PRKG1: variants seen among roughly 807,000 people sequenced by gnomAD.
PRKG1 encodes cGMP-dependent protein kinase 1.
Under a neutral mutation model 88.1 loss-of-function variants are expected in PRKG1, and 35 were observed. That is an observed-to-expected ratio of 0.40 (90% confidence interval 0.30 to 0.53). The LOEUF is 0.53. Among genes scored for constraint, PRKG1 ranks in the 20% least tolerant of loss-of-function variants. PRKG1 has a pLI of 0.59. For missense variants in PRKG1, 540 were observed against 839.8 expected, an observed-to-expected ratio of 0.64 and a Z score of 4.41; for synonymous variants, 303 against 292.5, an observed-to-expected ratio of 1.04 and a Z score of -0.37.
At chr10:51,894,389 G>A (rs72799495) in intron 4 of PRKG1, among the ~76,000 whole-genome samples, 20,794 of 152,132 alleles carry the variant, frequency 0.14, 1,662 homozygotes, top group Admixed American at 0.19. Context: ...AAGTAGACTA[G>A]TGGTTGACAG....
intron 1 of PRKG1, among the ~76,000 whole-genome samples, chr10:51,150,048 T>C (rs942607272): frequency 1.3e-5 from 2 of 152,086 alleles, no homozygotes; most frequent in African/African-American, 4.8e-5. Flanking sequence ...GAAAAAGATT[T>C]TTAAAAATAA....
intron 3 of PRKG1, among the ~76,000 whole-genome samples, chr10:51,623,579 T>C (rs1317188293): frequency 2.0e-5 from 3 of 152,108 alleles, no homozygotes; most frequent in African/African-American, 7.2e-5. Context: ...ACAGGTTATG[T>C]TACTTTTCAT....
At chr10:51,824,929 A>T (rs1211658589) in intron 4 of PRKG1, among the ~76,000 whole-genome samples, 1 of 152,194 alleles carries the variant, frequency 6.6e-6, no homozygotes, top group Non-Finnish European at 1.5e-5. Context: ...TGGAGGGACA[A>T]TACCCAAATC....
intron 4 of PRKG1, among the ~76,000 whole-genome samples, chr10:51,905,425 A>C (rs1842065389): frequency 6.6e-6 from 1 of 152,172 alleles, no homozygotes; most frequent in African/African-American, 2.4e-5. Flanking sequence ...TTATGGTATC[A>C]TTGTAATCAA....
At chr10:51,296,006 A>G (rs888307509) in intron 2 of PRKG1, among the ~76,000 whole-genome samples, 1 of 151,996 alleles carries the variant, frequency 6.6e-6, no homozygotes, top group Non-Finnish European at 1.5e-5. Context: ...AGCCATCTTT[A>G]CACCCCAGGG....
chr10:51,571,800 C>T (rs1364957671), intron 3 of PRKG1, among the ~76,000 whole-genome samples: 1 of 151,820 alleles, frequency 6.6e-6, no homozygotes, highest in Non-Finnish European at 1.5e-5. Flanking sequence ...TGAATTTCTA[C>T]TAGTACCTTA....
intron 7 of PRKG1, among the ~76,000 whole-genome samples, chr10:52,072,984 G>A (rs1019499890): frequency 5.3e-5 from 8 of 152,332 alleles, no homozygotes; most frequent in African/African-American, 1.7e-4. Flanking sequence ...CAGGTCTGTA[G>A]GCTAGACATC....
chr10:51,704,008 G>A (rs1266452793), intron 3 of PRKG1, among the ~76,000 whole-genome samples: 2 of 151,820 alleles, frequency 1.3e-5, no homozygotes, highest in East Asian at 3.9e-4. Flanking sequence ...AACCAGGTGT[G>A]GTGGTGCATG....
Position 51,100,011 on chromosome 10 carries a change from A to G in PRKG1, c.311+25110A>G, listed in dbSNP as rs550056216. ...TGGGGTCAAGCCATCCTCCTGTCTC[A>G]GCCTCCCGAGTATCTGGGATTCTAG... is the stretch of plus-strand genomic sequence containing the variant. On this transcript the variant is annotated intron_variant, in intron 1 of 17. Transcript: ENST00000373980. Among the ~76,000 whole-genome samples the G allele has an allele frequency of 4.0e-3, 609 of 152,210 alleles. 3 individuals carry two copies. The highest frequency in any genetic ancestry group is 7.3e-3 in the Non-Finnish European group (493 of 67,988).
intron 5 of PRKG1, among the ~76,000 whole-genome samples, chr10:52,009,106 A>G (rs1844814743): frequency 6.6e-6 from 1 of 151,962 alleles, no homozygotes; most frequent in African/African-American, 2.4e-5. Flanking sequence ...GATTCCCTTG[A>G]AAAACAGCTC....
intron 3 of PRKG1, among the ~76,000 whole-genome samples, chr10:51,794,416 C>T (rs192587750): frequency 7.3e-4 from 111 of 152,214 alleles, no homozygotes; most frequent in African/African-American, 2.6e-3. Context: ...CTCAACTACA[C>T]GTGGAACTCT....
chr10:52,113,289 A>G (rs945176377), intron 7 of PRKG1, among the ~76,000 whole-genome samples: 1 of 152,196 alleles, frequency 6.6e-6, no homozygotes, highest in Non-Finnish European at 1.5e-5. Flanking sequence ...GACAGTAAAA[A>G]TTATTCATTA....
At chr10:51,837,780 C>T (rs74132453) in intron 4 of PRKG1, among the ~76,000 whole-genome samples, 1,961 of 152,196 alleles carry the variant, frequency 0.013, 53 homozygotes, top group African/African-American at 0.045. Context: ...CTCCATAACC[C>T]AATGCTTGGG....
chr10:51,070,228 T>C (rs527996399), upstream of PRKG1, among the ~76,000 whole-genome samples: 98 of 152,274 alleles, frequency 6.4e-4, no homozygotes, highest in African/African-American at 2.1e-3. Context: ...CCATTTTCTC[T>C]AATATTAATA....
At chr10:51,258,870 T>A (rs1839631671) in intron 2 of PRKG1, among the ~76,000 whole-genome samples, 1 of 152,248 alleles carries the variant, frequency 6.6e-6, no homozygotes, top group Admixed American at 6.5e-5. Flanking sequence ...CTCCAGGAGA[T>A]GCATTGTGGA....
At chr10:51,316,808 T>G (rs16916730) in intron 2 of PRKG1, among the ~76,000 whole-genome samples, 2,436 of 152,316 alleles carry the variant, frequency 0.016, 51 homozygotes, top group African/African-American at 0.055. Flanking sequence ...AAGTTTCTTT[T>G]CAAGGCCTAT....
intron 5 of PRKG1, among the ~76,000 whole-genome samples, chr10:52,028,752 A>G (rs899637323): frequency 2.0e-5 from 3 of 152,216 alleles, no homozygotes; most frequent in Non-Finnish European, 4.4e-5. Context: ...GTTTTCTTTC[A>G]TTATATGTAA....
intron 2 of PRKG1, among the ~76,000 whole-genome samples, chr10:51,211,653 G>A (rs897971258): frequency 6.6e-6 from 1 of 152,154 alleles, no homozygotes; most frequent in Admixed American, 6.6e-5. Flanking sequence ...AAAATCACAA[G>A]CATTCTTATA....
chr10:51,303,908 C>T (rs1402790043), intron 2 of PRKG1, among the ~76,000 whole-genome samples: 1 of 152,052 alleles, frequency 6.6e-6, no homozygotes, highest in African/African-American at 2.4e-5. Flanking sequence ...GCAACCTCCA[C>T]CCCCAGGTTC....
Sources: gnomAD v4.1 joint callset for allele counts (sites outside exome capture counted in the v4.1 genomes callset) on GRCh38, gnomAD v4.1.1 for gene constraint, MANE v1.5 for transcripts, NCBI Gene and HGNC (gene_info 2026-07-23, HGNC 2026-07-21) for gene names.